Variants in MPRIP observed in about 807,000 individuals in gnomAD.
MPRIP encodes myosin phosphatase Rho interacting protein.
Under a neutral mutation model 234.9 loss-of-function variants are expected in MPRIP, and 59 were observed. The ratio of observed to expected loss-of-function variants is 0.25; its 90% CI spans 0.20 to 0.31. The LOEUF (loss-of-function observed/expected upper bound fraction) is 0.31, where lower values mean the gene tolerates loss of function less well. MPRIP is among the 10% of genes least tolerant of loss of function. MPRIP has a pLI of 1.00. For synonymous variants in MPRIP, 1,144 were observed against 1,263.9 expected (o/e 0.91, Z 2.01); for missense variants, 2,436 against 3,071.0 (o/e 0.79, Z 4.89).
Position 17,189,028 on chromosome 17 carries a change from A to C in MPRIP, c.*4134A>C, listed in dbSNP as rs559480338. 6.6e-6 allele frequency: 1 copy of C among 152,178 alleles called. No homozygotes were observed. The highest frequency in any genetic ancestry group is 2.4e-5 in the African/African-American group (1 of 41,468). The allele number at this position is 152,178 out of a possible 1,614,324, so 9.4% of individuals were successfully genotyped here. A position where few individuals can be genotyped will look rare whatever the true frequency, so the allele number is the denominator to read the frequency against. On this transcript the variant is annotated 3_prime_UTR_variant, in exon 24 of 24. Transcript: ENST00000651222. ...CAGCTACTCATTCACTGACTTGGGTAAGTTCTAAGACAGTTCGCACTTAGA... is the reference window on the plus strand; with the variant it reads ...CAGCTACTCATTCACTGACTTGGGTCAGTTCTAAGACAGTTCGCACTTAGA...
chr17:17,109,234 G>C (rs1234953019), intron 3 of MPRIP, among the ~76,000 whole-genome samples: 2 of 152,244 alleles, frequency 1.3e-5, no homozygotes, highest in African/African-American at 2.4e-5. Context: ...TCTTCTCTGA[G>C]AATTCACCAG....
At chr17:17,059,146 TTTTC>T (rs1482842460) in intron 1 of MPRIP, among the ~76,000 whole-genome samples, 5 of 152,198 alleles carry the variant, frequency 3.3e-5, no homozygotes, top group Non-Finnish European at 7.3e-5. Context: ...GAAAAATAAC[TTTTC>T]TAAGACAAAA....
chr17:17,056,823 C>G (rs2088714464), intron 1 of MPRIP, among the ~76,000 whole-genome samples: 1 of 152,078 alleles, frequency 6.6e-6, no homozygotes, highest in Admixed American at 6.5e-5. Flanking sequence ...CTTTGTGCCT[C>G]AATGGATTTA....
At chr17:17,171,227 C>G (rs2046126926) in intron 16 of MPRIP, 3 of 154,650 alleles carry the variant, frequency 1.9e-5, no homozygotes, top group African/African-American at 7.2e-5. Flanking sequence ...CGCCAGGCCA[C>G]TCCCTATATG....
At chr17:17,145,148 A>G (rs1159340400) in intron 9 of MPRIP, among the ~76,000 whole-genome samples, 1 of 152,226 alleles carries the variant, frequency 6.6e-6, no homozygotes, top group African/African-American at 2.4e-5. Context: ...AGACCTAGGC[A>G]GCAGCGGACT....
At chr17:17,180,327 G>A (rs1011995440) in intron 23 of MPRIP, among the ~76,000 whole-genome samples, 6 of 152,228 alleles carry the variant, frequency 3.9e-5, no homozygotes, top group African/African-American at 1.4e-4. Flanking sequence ...GCAGTGCTTG[G>A]CATGATCAGC....
chr17:17,068,352 G>A (rs1398733829), intron 1 of MPRIP, among the ~76,000 whole-genome samples: 2 of 151,958 alleles, frequency 1.3e-5, no homozygotes, highest in African/African-American at 2.4e-5. Context: ...GTTTCTTCAT[G>A]TTGGTCAGGC....
intron 13 of MPRIP, among the ~76,000 whole-genome samples, chr17:17,157,838 A>G (rs539800813): frequency 6.6e-6 from 1 of 152,060 alleles, no homozygotes; most frequent in Non-Finnish European, 1.5e-5. Flanking sequence ...CAAAAAAAAA[A>G]AAAACAAAAC....
chr17:17,156,001 C>T (rs984263552), intron 13 of MPRIP, among the ~76,000 whole-genome samples: 1 of 152,262 alleles, frequency 6.6e-6, no homozygotes, highest in African/African-American at 2.4e-5. Flanking sequence ...TTTGCCCAAG[C>T]TATTGGCAGC....
At chr17:17,109,038 C>T (rs1373137843) in intron 3 of MPRIP, among the ~76,000 whole-genome samples, 1 of 152,242 alleles carries the variant, frequency 6.6e-6, no homozygotes, top group Non-Finnish European at 1.5e-5. Flanking sequence ...CTGAAGGGCC[C>T]TTAGCCCCCT....
intron 16 of MPRIP, chr17:17,168,163 G>A (rs2046046431): frequency 8.9e-6 from 3 of 337,590 alleles, no homozygotes; most frequent in South Asian, 7.0e-5. Flanking sequence ...TGGGAGAGGA[G>A]CACGTAGTCT....
intron 1 of MPRIP, among the ~76,000 whole-genome samples, chr17:17,073,850 C>T (rs2089262434): frequency 6.6e-6 from 1 of 152,208 alleles, no homozygotes; most frequent in Admixed American, 6.5e-5. Flanking sequence ...CCACATACTC[C>T]TTGGCCCTCC....
intron 12 of MPRIP, among the ~76,000 whole-genome samples, chr17:17,153,549 T>A (rs2045656106): frequency 6.6e-6 from 1 of 151,456 alleles, no homozygotes; most frequent in African/African-American, 2.4e-5. Context: ...GCTGCCCCGT[T>A]CCTCGCCCAA....
intron 3 of MPRIP, among the ~76,000 whole-genome samples, chr17:17,098,830 C>T (rs983406593): frequency 3.9e-5 from 6 of 152,146 alleles, no homozygotes; most frequent in South Asian, 4.1e-4. Flanking sequence ...TAGATTGGGA[C>T]AGAGCCTCAG....
chr17:17,043,019 G>T (rs984014288), intron 1 of MPRIP, 48 bp downstream of exon 1: 2 of 1,583,966 alleles, frequency 1.3e-6, no homozygotes, highest in East Asian at 2.3e-5. Flanking sequence ...GGAGCCGCGG[G>T]TCGGCGGCCG....
chr17:17,068,797 G>C (rs940997181), intron 1 of MPRIP, among the ~76,000 whole-genome samples: 2 of 152,132 alleles, frequency 1.3e-5, no homozygotes, highest in Non-Finnish European at 1.5e-5. Context: ...TAATCCCATA[G>C]TGCTGGGATT....
At chr17:17,136,543 C>T (rs1338970949) in intron 6 of MPRIP, 93 bp downstream of exon 6, 1 of 1,238,580 alleles carries the variant, frequency 8.1e-7, no homozygotes, top group Non-Finnish European at 1.1e-6. Flanking sequence ...CTGTAGAGCC[C>T]AGTCGCAAGC....
In MPRIP at chr17:17,167,410, G is replaced by T; in HGVS notation, c.5819G>T (p.Ser1940Ile). The T allele has an allele frequency of 7.7e-7, 1 of 1,304,212 alleles. No homozygotes were observed. Among genetic ancestry groups the T allele is most frequent in the South Asian group, 1.2e-5 (1 of 81,020 alleles). 80.8% of individuals were successfully genotyped at this position (1,304,212 alleles called of 1,614,324 possible). A position where few individuals can be genotyped will look rare whatever the true frequency, so the allele number is the denominator to read the frequency against. The change falls in exon 16 of 24, where the codon AGC becomes ATC. Residue 1940 changes from serine to isoleucine, a missense_variant. Physicochemically the swap from Ser to Ile is moderately radical, Grantham distance 142. This residue lies in a region of MPRIP where 1,998 missense variants were observed against 2,520.3 expected (regional missense o/e 0.79). Transcript: ENST00000651222. This position sits in a 1 kb window ranked among gnomAD's most constrained non-coding sequence, Gnocchi z 5.9. ...LEDAESKHSM[S>I]MFTLRGRYEE... The stretch of plus-strand genomic sequence containing the variant: ...GATGCAGAGAGCAAGCACAGCATGA[G>T]CATGTTCACCCTGCGGGGCAGGTAT...
chr17:17,126,412 CT>C (rs1281962606), intron 3 of MPRIP, among the ~76,000 whole-genome samples: 2 of 152,192 alleles, frequency 1.3e-5, no homozygotes, highest in African/African-American at 4.8e-5. Flanking sequence ...TCAGCTGCCC[CT>C]GTCACCGCAG....
Sources: gnomAD v4.1 joint callset for allele counts (sites outside exome capture counted in the v4.1 genomes callset) on GRCh38, gnomAD v4.1.1 for gene constraint, gnomAD v4.1.1 regional missense constraint, Gnocchi (gnomAD v3.1) non-coding constraint, MANE v1.5 for transcripts, NCBI Gene and HGNC (gene_info 2026-07-23, HGNC 2026-07-21) for gene names.